Variants in EPM2A observed in about 807,000 individuals in gnomAD.
The protein encoded by EPM2A is EPM2A glucan phosphatase, laforin, also known as laforin.
A neutral mutation model predicts 26.5 loss-of-function variants in EPM2A; 21 were observed. That is an observed-to-expected ratio of 0.79 (90% CI 0.56 to 1.14). EPM2A has a LOEUF of 1.14. Among genes scored for constraint, EPM2A ranks in the 50% most tolerant of loss-of-function variants. The pLI is 0.00. For missense variants in EPM2A, 458 were observed against 440.8 expected, an observed-to-expected ratio of 1.04 and a Z score of -0.35; for synonymous variants, 217 against 177.6, an observed-to-expected ratio of 1.22 and a Z score of -1.76.
Position 145,412,214 on chromosome 6 carries a change from C to CAAA in EPM2A, c.556-28120_556-28118dup, listed in dbSNP as rs11404849. On this transcript the variant is annotated intron_variant, in intron 4 of 4. Coordinates refer to the EPM2A transcript ENST00000638717. The stretch of plus-strand genomic sequence containing the variant: ...CCTGGGCGACACTGAGACTCTGTCT[C>CAAA]AAAAAAAAAAAAAAAAAAATTCATC... Among the ~76,000 whole-genome samples the CAAA allele has an allele frequency of 1.9e-4, 22 of 114,032 alleles. 1 individual carries two copies. Among genetic ancestry groups the CAAA allele is most frequent in the South Asian group, 2.9e-4 (1 of 3,500 alleles). The allele number at this position is 114,032 out of a possible 152,430, so 74.8% of individuals were successfully genotyped here.
At chr6:145,507,166 AC>A (rs1397111069) in intron 2 of EPM2A, among the ~76,000 whole-genome samples, 6 of 152,226 alleles carry the variant, frequency 3.9e-5, no homozygotes, top group Non-Finnish European at 8.8e-5. Context: ...TTTTTATTTC[AC>A]CTTGGTTATC....
intron 4 of EPM2A, among the ~76,000 whole-genome samples, chr6:145,401,370 G>A (rs904240427): frequency 2.6e-5 from 4 of 152,090 alleles, no homozygotes; most frequent in African/African-American, 9.7e-5. Flanking sequence ...TGCCTAGAAT[G>A]GCAAAGAGTG....
chr6:145,663,860 C>A (rs1243813345), intron 2 of EPM2A, among the ~76,000 whole-genome samples: 1 of 86,466 alleles, frequency 1.2e-5, no homozygotes, highest in African/African-American at 5.1e-5. Context: ...GGCCAACATT[C>A]AACATTCTTA....
chr6:145,586,483 A>G (rs2114841665), intron 2 of EPM2A, among the ~76,000 whole-genome samples: 1 of 152,326 alleles, frequency 6.6e-6, no homozygotes, highest in Non-Finnish European at 1.5e-5. Context: ...CAATATCAAA[A>G]TATCTTTTTA....
chr6:145,449,320 A>C (rs1405249576), intron 4 of EPM2A, among the ~76,000 whole-genome samples: 4 of 152,194 alleles, frequency 2.6e-5, no homozygotes, highest in Non-Finnish European at 5.9e-5. Context: ...CATGAGAGCT[A>C]ATTTTTACTG....
At chr6:145,543,841 A>G (rs1780547783) in intron 2 of EPM2A, among the ~76,000 whole-genome samples, 1 of 152,162 alleles carries the variant, frequency 6.6e-6, no homozygotes, top group Non-Finnish European at 1.5e-5. Flanking sequence ...AAAAAGATGG[A>G]TGTACACTCC....
At chr6:145,413,465 C>T (rs887800770) in intron 4 of EPM2A, among the ~76,000 whole-genome samples, 1 of 152,092 alleles carries the variant, frequency 6.6e-6, no homozygotes, top group African/African-American at 2.4e-5. Flanking sequence ...ATGAATTGTG[C>T]TAATAGAATC....
At chr6:145,431,670 A>G (rs1778923095) in intron 4 of EPM2A, among the ~76,000 whole-genome samples, 1 of 152,192 alleles carries the variant, frequency 6.6e-6, no homozygotes, top group Non-Finnish European at 1.5e-5. Flanking sequence ...TTTTGCCTCA[A>G]GGTTGATGGC....
chr6:145,449,211 A>T (rs760917408), intron 4 of EPM2A, among the ~76,000 whole-genome samples: 25 of 152,190 alleles, frequency 1.6e-4, no homozygotes, highest in Non-Finnish European at 3.5e-4. Context: ...AAAACATTTA[A>T]ATCAAGTGAT....
chr6:145,612,180 T>C (rs1313788174), intron 2 of EPM2A, among the ~76,000 whole-genome samples: 1 of 152,232 alleles, frequency 6.6e-6, no homozygotes, highest in African/African-American at 2.4e-5. Flanking sequence ...TTCTATATTA[T>C]GCAAGTGCTA....
At chr6:145,501,644 G>C (rs1779891087) in exon 4 of EPM2A, 1 of 384,842 alleles carries the variant, frequency 2.6e-6, no homozygotes, top group African/African-American at 2.1e-5. Flanking sequence ...ATTACATATT[G>C]GGCAGAAGTG....
intron 2 of EPM2A, among the ~76,000 whole-genome samples, chr6:145,546,894 G>C (rs1257353613): frequency 6.6e-6 from 1 of 152,072 alleles, no homozygotes; most frequent in Admixed American, 6.6e-5. Flanking sequence ...TTGGAGCCCT[G>C]TGTTTACATC....
chr6:145,713,835 C>T (rs1197711748), intron 1 of EPM2A, among the ~76,000 whole-genome samples: 2 of 152,184 alleles, frequency 1.3e-5, no homozygotes, highest in Non-Finnish European at 2.9e-5. Flanking sequence ...CTTTTACCTC[C>T]ATCAACTGGT....
chr6:145,557,984 A>G (rs899241375), intron 2 of EPM2A, among the ~76,000 whole-genome samples: 1 of 152,030 alleles, frequency 6.6e-6, no homozygotes, highest in Non-Finnish European at 1.5e-5. Context: ...TATGAGTTCA[A>G]TGTTTTCAGA....
Position 145,735,373 on chromosome 6 carries a change from CG to C in EPM2A, c.125del (p.Pro42ArgfsTer48). On this transcript the variant is annotated frameshift_variant, in exon 1 of 4. Coordinates refer to ENST00000367519, the MANE Select transcript of EPM2A (RefSeq NM_005670.4). LOFTEE classifies it high-confidence loss of function. Reference protein sequence around the residue: ...WEPRGAVRLRPAGTAAGDGAL... With the variant: ...WEPRGAVRLRXAGTAAGDGAL... ...CCCCGTCGCCCGCCGCGGTGCCGGC[CG>C]GCCTCAGGCGGACGGCACCGCGCGG... The C allele has an allele frequency of 9.8e-7, 1 of 1,019,272 alleles. No homozygotes were observed. Among genetic ancestry groups the C allele is most frequent in the Non-Finnish European group, 1.2e-6 (1 of 837,450 alleles). 63.1% of individuals were successfully genotyped at this position (1,019,272 alleles called of 1,614,324 possible). A position where few individuals can be genotyped will look rare whatever the true frequency, so the allele number is the denominator to read the frequency against.
intron 4 of EPM2A, among the ~76,000 whole-genome samples, chr6:145,450,994 C>G (rs1245441444): frequency 6.6e-6 from 1 of 152,018 alleles, no homozygotes; most frequent in African/African-American, 2.4e-5. Flanking sequence ...TCTATGGTTC[C>G]TCTGGATTAG....
intron 4 of EPM2A, among the ~76,000 whole-genome samples, chr6:145,460,690 G>A (rs1170374454): frequency 6.6e-6 from 1 of 152,136 alleles, no homozygotes; most frequent in Non-Finnish European, 1.5e-5. Context: ...CAGTGTTAGT[G>A]AGCAGACTGC....
At chr6:145,554,103 A>G (rs1406802126) in intron 2 of EPM2A, among the ~76,000 whole-genome samples, 1 of 151,954 alleles carries the variant, frequency 6.6e-6, no homozygotes, top group African/African-American at 2.4e-5. Flanking sequence ...CAGCAATGCT[A>G]TGTGACAAGA....
chr6:145,735,940 GGGAA>G (rs1332004721), upstream of EPM2A: 1 of 152,016 alleles, frequency 6.6e-6, no homozygotes, highest in Non-Finnish European at 1.5e-5. Context: ...TGTGAAACGG[GGGAA>G]GATCTTGGAC....
Sources: allele counts gnomAD v4.1 joint callset (sites outside exome capture counted in the v4.1 genomes callset), GRCh38; gene constraint gnomAD v4.1.1; transcripts MANE v1.5; gene names NCBI Gene and HGNC (gene_info 2026-07-23, HGNC 2026-07-21).